CEP192: variants seen among roughly 807,000 people sequenced by gnomAD.
CEP192 encodes centrosomal protein of 192 kDa.
A neutral mutation model predicts 271.8 loss-of-function variants in CEP192; 151 were observed. The ratio of observed to expected loss-of-function variants is 0.56; its 90% confidence interval spans 0.49 to 0.64. The LOEUF is 0.64. CEP192 is among the 30% of genes least tolerant of loss of function. The pLI, the probability that CEP192 is intolerant of heterozygous loss-of-function variation, is 0.00. For missense variants in CEP192, 2,910 were observed against 3,020.5 expected, an observed-to-expected ratio of 0.96 and a Z score of 0.86; for synonymous variants, 995 against 1,076.5, an observed-to-expected ratio of 0.92 and a Z score of 1.48.
At chr18:13,018,187 T>TC (rs2034773009) in intron 7 of CEP192, among the ~76,000 whole-genome samples, 2 of 152,316 alleles carry the variant, frequency 1.3e-5, no homozygotes, top group East Asian at 3.9e-4. Flanking sequence ...TAAGGTGATG[T>TC]CAGCTGGATG....
At chr18:13,091,313 A>G (rs772927897) in intron 33 of CEP192, among the ~76,000 whole-genome samples, 1 of 152,170 alleles carries the variant, frequency 6.6e-6, no homozygotes, top group Admixed American at 6.5e-5. Context: ...AAGATTGCCC[A>G]TCTAAGGTGG....
chr18:13,107,337 T>A (rs148636855), intron 40 of CEP192, among the ~76,000 whole-genome samples: 5,509 of 152,188 alleles, frequency 0.036, 312 homozygotes, highest in African/African-American at 0.12. Flanking sequence ...CTCAAAAAAA[T>A]TTTTTTAATA....
intron 9 of CEP192, among the ~76,000 whole-genome samples, chr18:13,028,471 T>C (rs2035430044): frequency 6.6e-6 from 1 of 152,226 alleles, no homozygotes. Flanking sequence ...TACTCTTATA[T>C]CTAAATCTTT....
intron 36 of CEP192, among the ~76,000 whole-genome samples, chr18:13,098,293 TGGATGGGGC>T: frequency 6.6e-6 from 1 of 150,494 alleles, no homozygotes; most frequent in Non-Finnish European, 1.5e-5. Flanking sequence ...ACCTCCCTCC[TGGATGGGGC>T]GGCTGGCCTG....
intron 21 of CEP192, among the ~76,000 whole-genome samples, chr18:13,064,590 C>T (rs1486142656): frequency 2.9e-5 from 4 of 138,870 alleles, no homozygotes; most frequent in Non-Finnish European, 6.0e-5. Context: ...CCAGCCTGGG[C>T]GACAGAGTGA....
intron 43 of CEP192, among the ~76,000 whole-genome samples, chr18:13,117,126 G>A (rs2040470473): frequency 6.6e-6 from 1 of 152,024 alleles, no homozygotes; most frequent in African/African-American, 2.4e-5. Flanking sequence ...TGTGGGGGCT[G>A]AGCTGAGAGG....
At chr18:13,046,847 T>G (rs1219582865) in intron 15 of CEP192, among the ~76,000 whole-genome samples, 7 of 150,148 alleles carry the variant, frequency 4.7e-5, no homozygotes, top group Admixed American at 2.0e-4. Context: ...TTTTTTTTTT[T>G]GTAAGGGACT....
intron 27 of CEP192, among the ~76,000 whole-genome samples, chr18:13,070,568 G>GT (rs1315885611): frequency 1.3e-5 from 2 of 152,196 alleles, no homozygotes; most frequent in African/African-American, 4.8e-5. Context: ...CCCCACTGTC[G>GT]TGAGTACTGA....
intron 44 of CEP192, among the ~76,000 whole-genome samples, chr18:13,123,348 C>T (rs1266449947): frequency 6.6e-6 from 1 of 152,094 alleles, no homozygotes; most frequent in Non-Finnish European, 1.5e-5. Context: ...TATAGAGATA[C>T]ACATACACAC....
chr18:12,994,874 CT>C (rs1462683851), intron 1 of CEP192, among the ~76,000 whole-genome samples: 1 of 152,010 alleles, frequency 6.6e-6, no homozygotes, highest in Admixed American at 6.6e-5. Context: ...CTGGGTAACC[CT>C]AACATATGAG....
In CEP192 at chr18:13,124,972, G is replaced by GT. The variant is rs2040835085; in HGVS notation, c.*203dup. 1 of 428,534 alleles carries GT rather than the reference G, an allele frequency of 2.3e-6. No individual in the cohort carries two copies. The highest frequency in any genetic ancestry group is 4.2e-6 in the Non-Finnish European group (1 of 236,714). The allele number at this position is 428,534 out of a possible 1,614,324, so 26.5% of individuals were successfully genotyped here. Reference sequence around the variant, plus strand: ...ATAGTATTGTACTTAACTTTTACAGGTGAGAAGAGAGTTCTGTGTTTGCAT... The same window carrying GT: ...ATAGTATTGTACTTAACTTTTACAGGTTGAGAAGAGAGTTCTGTGTTTGCAT... On this transcript the variant is annotated 3_prime_UTR_variant, in exon 45 of 45. Coordinates refer to ENST00000506447, the MANE Select transcript of CEP192 (RefSeq NM_032142.4).
chr18:13,049,953 AAAAT>A, intron 17 of CEP192, 62 bp downstream of exon 17: 3 of 1,393,592 alleles, frequency 2.2e-6, no homozygotes, highest in East Asian at 2.4e-5. Context: ...AACTGGGAAA[AAAAT>A]GTGTAAAGAA....
At chr18:13,033,527 T>C (rs2035748545) in intron 11 of CEP192, among the ~76,000 whole-genome samples, 1 of 152,246 alleles carries the variant, frequency 6.6e-6, no homozygotes. Flanking sequence ...AAGTTACGCA[T>C]GTACTATCCT....
rs190738401 is a variant in CEP192 at position 13,009,144 on chromosome 18, C to T, written c.466+513C>T. ...AGTAGCTGGGACTGGATGCATGCAT[C>T]GTCACTCCTGGCTTCGATGTATTCA... On this transcript the variant is annotated intron_variant, in intron 4 of 44. Coordinates refer to ENST00000506447, the MANE Select transcript of CEP192 (RefSeq NM_032142.4). Among the ~76,000 whole-genome samples the T allele has an allele frequency of 1.4e-3, 212 of 151,724 alleles. 1 individual carries two copies. In the Middle Eastern group the frequency reaches 0.021, roughly 15 times the overall value.
Position 13,073,132 on chromosome 18 carries a change from A to G in CEP192, c.5563A>G (p.Arg1855Gly), listed in dbSNP as rs1447234244. Residue 1855 changes from arginine to glycine, a missense_variant, in exon 30 of 45, where the codon AGA becomes GGA. Transcript: ENST00000506447. ...TACTCGATTATCTTGCATGTTGGCT[A>G]GACTAGAAATCAAACAACTTGGAAA... ...APTRLSCMLA[R>G]LEIKQLGNRS... 1.2e-6 allele frequency: 2 copies of G among 1,613,298 alleles called. No homozygotes were observed. The highest frequency in any genetic ancestry group is 4.5e-5 in the East Asian group (2 of 44,870).
Position 13,092,529 on chromosome 18 carries a change from TA to T in CEP192, c.6254+6del. 6.3e-7 allele frequency: 1 copy of T among 1,591,158 alleles called. No individual in the cohort carries two copies. The highest frequency in any genetic ancestry group is 8.5e-7 in the Non-Finnish European group (1 of 1,170,944). On this transcript the variant is annotated splice_donor_region_variant and intron_variant, in intron 34 of 44. Transcript: ENST00000506447. Reference sequence around the variant, plus strand: ...CAAAGCTAGCTTGGAATCTACAAGGTAAAATAAATGAACAGAAATCTTTCAC... The same window carrying T: ...CAAAGCTAGCTTGGAATCTACAAGGTAAATAAATGAACAGAAATCTTTCAC...
chr18:13,096,306 G>A lies in CEP192; in HGVS notation c.6556G>A (p.Glu2186Lys). Residue 2186 changes from glutamate (E) to lysine (K), a missense_variant and splice_region_variant, in exon 36 of 45, where the codon GAG becomes AAG. Physicochemically the swap from Glu to Lys is moderately conservative, Grantham distance 56 (BLOSUM62 1). Transcript: ENST00000506447. ...VTPQHGCVAPESKLQILVSPN... is the reference protein window; with the variant it reads ...VTPQHGCVAPKSKLQILVSPN... ...GCCGCAGCATGGATGTGTCGCGCCA[G>A]AGTAAGTCTGACTTCTGTGTTGCTC... 6.2e-7 allele frequency: 1 copy of A among 1,612,886 alleles called. No individual in the cohort carries two copies. Among genetic ancestry groups the A allele is most frequent in the Non-Finnish European group, 8.5e-7 (1 of 1,179,174 alleles).
At chr18:13,104,506 G>C (rs2039862642) in intron 39 of CEP192, among the ~76,000 whole-genome samples, 3 of 152,084 alleles carry the variant, frequency 2.0e-5, no homozygotes, top group Admixed American at 2.0e-4. Flanking sequence ...AAACTACTTG[G>C]GAGGCTGAGG....
At chr18:13,095,760 C>G (rs1444239971) in intron 35 of CEP192, 79 bp downstream of exon 35, 2 of 1,229,010 alleles carry the variant, frequency 1.6e-6, no homozygotes, top group Non-Finnish European at 2.3e-6. Flanking sequence ...ATGGCCTATC[C>G]AAGACACACA....
Sources: gnomAD v4.1 joint callset for allele counts (sites outside exome capture counted in the v4.1 genomes callset) on GRCh38, gnomAD v4.1.1 for gene constraint, MANE v1.5 for transcripts, NCBI Gene and HGNC (gene_info 2026-07-23, HGNC 2026-07-21) for gene names.